The following CHRDL1 variants were observed in gnomAD, a reference collection of about 807,000 sequenced individuals.
CHRDL1 encodes the protein chordin-like protein 1.
Under a neutral mutation model 40.9 loss-of-function variants are expected in CHRDL1, and 19 were observed. The observed-to-expected ratio is 0.46, with a 90% confidence interval of 0.32 to 0.68. CHRDL1 has a LOEUF of 0.68. Ranked by LOEUF, CHRDL1 falls within the 30% of genes least tolerant of loss-of-function variation. The pLI, the probability that CHRDL1 is intolerant of heterozygous loss-of-function variation, is 0.03. For synonymous variants in CHRDL1, 136 were observed against 123.4 expected (o/e 1.10, Z -0.68); for missense variants, 329 against 352.1 (o/e 0.93, Z 0.53).
At position 110,744,147 on chromosome X, in the gene CHRDL1, G is replaced by C. The variant is rs183991753; in HGVS notation, c.301+15514C>G. 1.9e-3 allele frequency among the ~76,000 whole-genome samples: 210 copies of C among 112,203 alleles called. 2 individuals are homozygous for C. The highest frequency in any genetic ancestry group is 6.6e-3 in the African/African-American group (204 of 30,846). On this transcript the variant is annotated intron_variant, in intron 4 of 11. Transcript: ENST00000372042. Reference sequence around the variant, plus strand: ...ACTAAACAGTCTTACTGCAAAGGGTGCATTTTTAAAAAATCAAATAAATAG... The same window carrying C: ...ACTAAACAGTCTTACTGCAAAGGGTCCATTTTTAAAAAATCAAATAAATAG...
At chrX:110,676,904 C>A (rs2069789216) in intron 11 of CHRDL1, among the ~76,000 whole-genome samples, 1 of 110,993 alleles carries the variant, frequency 9.0e-6, no homozygotes, top group Admixed American at 9.7e-5. Context: ...TCTCCTACGT[C>A]CACATGCTGT....
At chrX:110,702,716 A>G (rs191887778) in intron 6 of CHRDL1, among the ~76,000 whole-genome samples, 66 of 110,840 alleles carry the variant, frequency 6.0e-4, no homozygotes, top group Admixed American at 5.8e-3. Flanking sequence ...TATAGTTCCA[A>G]CCCCCATCTG....
At position 110,689,414 on chromosome X, in the gene CHRDL1, CTA is replaced by C. The variant is rs1244452972; in HGVS notation, c.779-613_779-612del. Among the ~76,000 whole-genome samples, 47 of 36,253 alleles carry C rather than the reference CTA, an allele frequency of 1.3e-3. 3 individuals are homozygous for C. Among genetic ancestry groups the C allele is most frequent in the African/African-American group, 0.01 (42 of 4,100 alleles). The allele number at this position is 36,253 out of a possible 115,157, so 31.5% of individuals were successfully genotyped here. A position where few individuals can be genotyped will look rare whatever the true frequency, so the allele number is the denominator to read the frequency against. The stretch of plus-strand genomic sequence containing the variant: ...ACCCAGCCTATATATATCTATATAT[CTA>C]TATATATCTATATATCTATATATCT... On this transcript the variant is annotated intron_variant, in intron 8 of 11. Transcript: ENST00000372042.
rs1345136758 is a variant in CHRDL1 at position 110,790,806 on chromosome X, GGAA to G, written c.94+1279_94+1281del. Reference sequence around the variant, plus strand: ...ATTCTGAGATGAACTATATTCAAGTGGAAGAAGAAGGAAGCAATTTGAGGGATA... The same window carrying G: ...ATTCTGAGATGAACTATATTCAAGTGGAAGAAGGAAGCAATTTGAGGGATA... On this transcript the variant is annotated intron_variant, in intron 2 of 11. Transcript: ENST00000372042. Among the ~76,000 whole-genome samples, 3 of 107,819 alleles carry G rather than the reference GGAA, an allele frequency of 2.8e-5. No homozygotes were observed. The Admixed American group carries it at 3.1e-4, about 11-fold the overall frequency. The allele number at this position is 107,819 out of a possible 115,157, so 93.6% of individuals were successfully genotyped here.
intron 4 of CHRDL1, among the ~76,000 whole-genome samples, chrX:110,758,334 A>G (rs2089496151): frequency 9.2e-6 from 1 of 109,204 alleles, no homozygotes. Flanking sequence ...TAGGTTGGTC[A>G]TATGCCAAGT....
chrX:110,792,475 T>C (rs1009612124), intron 1 of CHRDL1, among the ~76,000 whole-genome samples: 7 of 112,259 alleles, frequency 6.2e-5, no homozygotes, highest in Non-Finnish European at 1.1e-4. Context: ...TATAGGAAAA[T>C]GAAAATAAAT....
intron 9 of CHRDL1, among the ~76,000 whole-genome samples, chrX:110,686,825 A>G (rs2070027138): frequency 9.7e-6 from 1 of 102,600 alleles, no homozygotes; most frequent in Non-Finnish European, 2.0e-5. Flanking sequence ...GCAAGGTTGC[A>G]GTGAGCCGAG....
chrX:110,735,068 T>A (rs1396358310), intron 4 of CHRDL1, among the ~76,000 whole-genome samples: 1 of 110,835 alleles, frequency 9.0e-6, no homozygotes, highest in East Asian at 2.9e-4. Context: ...ATGGACAAAT[T>A]AGTCATTACC....
intron 2 of CHRDL1, among the ~76,000 whole-genome samples, chrX:110,778,814 A>C (rs767091664): frequency 3.8e-4 from 43 of 111,981 alleles, no homozygotes; most frequent in Non-Finnish European, 7.5e-4. Flanking sequence ...TGTTCACTGC[A>C]GCACTATTCA....
chrX:110,674,071 T>A lies in CHRDL1; in HGVS notation c.*2160A>T, dbSNP rs2069722673. 9.0e-6 allele frequency: 1 copy of A among 111,512 alleles called. No homozygotes were observed. The highest frequency in any genetic ancestry group is 1.9e-5 in the Non-Finnish European group (1 of 53,078). The allele number at this position is 111,512 out of a possible 1,213,427, so 9.2% of individuals were successfully genotyped here. On this transcript the variant is annotated 3_prime_UTR_variant, in exon 12 of 12. Coordinates refer to ENST00000372042, the MANE Select transcript of CHRDL1 (RefSeq NM_001143981.2). ...TTGTTCCAAGTGTTTATGATACAAA[T>A]AAATACACAAGAAGAACCACATCCA...
intron 4 of CHRDL1, among the ~76,000 whole-genome samples, chrX:110,744,979 ACACACACACACACAC>A (rs2071424808): frequency 2.7e-5 from 3 of 109,535 alleles, no homozygotes; most frequent in African/African-American, 1.0e-4. Context: ...ACACACACAC[ACACACACACACACAC>A]ATACATACCA....
chrX:110,692,089 A>G (rs1459036645), intron 8 of CHRDL1, among the ~76,000 whole-genome samples: 2 of 111,671 alleles, frequency 1.8e-5, no homozygotes, highest in Non-Finnish European at 3.8e-5. Flanking sequence ...TAGATATATC[A>G]GAGGACCACA....
intron 2 of CHRDL1, among the ~76,000 whole-genome samples, chrX:110,764,519 TATG>T (rs1431255887): frequency 8.9e-6 from 1 of 112,357 alleles, no homozygotes; most frequent in African/African-American, 3.2e-5. Flanking sequence ...TCAGTGCCAC[TATG>T]ATAATTGTGT....
At chrX:110,747,906 G>C (rs886984375) in intron 4 of CHRDL1, among the ~76,000 whole-genome samples, 2 of 112,514 alleles carry the variant, frequency 1.8e-5, no homozygotes, top group Non-Finnish European at 3.8e-5. Context: ...GTATGCGTTT[G>C]TGCATTTATG....
Position 110,679,255 on chromosome X carries a change from C to T in CHRDL1, c.1246+81G>A, listed in dbSNP as rs956226078. ...GCAGTGCTAATGTTCACTGAGATTG[C>T]GGAGGGACTTTAGCTGTGGCTATGC... On this transcript the variant is annotated intron_variant, in intron 11 of 11. Coordinates refer to ENST00000372042, the MANE Select transcript of CHRDL1 (RefSeq NM_001143981.2). 13 of 660,517 alleles carry T rather than the reference C, an allele frequency of 2.0e-5. 1 individual carries two copies. The highest frequency in any genetic ancestry group is 3.0e-4 in the Middle Eastern group (1 of 3,322). 54.4% of individuals were successfully genotyped at this position (660,517 alleles called of 1,213,427 possible). A position where few individuals can be genotyped will look rare whatever the true frequency, so the allele number is the denominator to read the frequency against.
intron 2 of CHRDL1, among the ~76,000 whole-genome samples, chrX:110,772,041 A>G (rs1338559109): frequency 9.0e-6 from 1 of 111,227 alleles, no homozygotes; most frequent in Non-Finnish European, 1.9e-5. Flanking sequence ...AAAATACTGA[A>G]GTATAAATCT....
chrX:110,763,556 T>TAC (rs1455135878), intron 2 of CHRDL1, among the ~76,000 whole-genome samples: 22 of 103,902 alleles, frequency 2.1e-4, no homozygotes, highest in African/African-American at 7.3e-4. Flanking sequence ...TATATATATA[T>TAC]ATACACACAC....
chrX:110,792,610 G>C (rs1845711642), intron 1 of CHRDL1, among the ~76,000 whole-genome samples: 1 of 110,861 alleles, frequency 9.0e-6, no homozygotes, highest in Non-Finnish European at 1.9e-5. Flanking sequence ...ACAAGCATGA[G>C]ACCAAGCAAT....
intron 7 of CHRDL1, among the ~76,000 whole-genome samples, chrX:110,699,064 A>G (rs1297685331): frequency 8.9e-6 from 1 of 112,311 alleles, no homozygotes; most frequent in African/African-American, 3.2e-5. Flanking sequence ...TATATTAACC[A>G]GCAAACAGGG....
Sources: allele counts gnomAD v4.1 joint callset (sites outside exome capture counted in the v4.1 genomes callset), GRCh38; gene constraint gnomAD v4.1.1; transcripts MANE v1.5; gene names NCBI Gene and HGNC (gene_info 2026-07-23, HGNC 2026-07-21).